Variants in CSMD1 observed in about 807,000 individuals in gnomAD.
CSMD1 encodes CUB and Sushi multiple domains 1.
A neutral mutation model predicts 417.5 loss-of-function variants in CSMD1; 213 were observed. The observed-to-expected ratio is 0.51, with a 90% CI of 0.46 to 0.57. The LOEUF (loss-of-function observed/expected upper bound fraction) is 0.57. Among genes scored for constraint, CSMD1 ranks in the 20% least tolerant of loss-of-function variants. The pLI is 0.00. For synonymous variants in CSMD1, 2,862 were observed against 1,736.8 expected (o/e 1.65, Z -16.11); for missense variants, 6,923 against 4,529.7 (o/e 1.53, Z -15.17).
chr8:3,659,745 C>T (rs1825182), intron 7 of CSMD1, among the ~76,000 whole-genome samples: 4 of 152,058 alleles, frequency 2.6e-5, no homozygotes, highest in Non-Finnish European at 5.9e-5. Context: ...TCCCCCAACA[C>T]CCCTATGAAA....
At chr8:3,369,095 T>C (rs1282026485) in intron 19 of CSMD1, among the ~76,000 whole-genome samples, 159 bp downstream of exon 19, 1 of 152,242 alleles carries the variant, frequency 6.6e-6, no homozygotes, top group East Asian at 1.9e-4. Flanking sequence ...AAGACTATTG[T>C]TCTTCCAAAA....
intron 26 of CSMD1, among the ~76,000 whole-genome samples, chr8:3,262,583 G>A (rs982750540): frequency 6.6e-6 from 1 of 151,838 alleles, no homozygotes; most frequent in Non-Finnish European, 1.5e-5. Context: ...AAGATTCCCT[G>A]TTAAAACCTC....
At chr8:3,095,472 A>G (rs1815234010) in intron 47 of CSMD1, among the ~76,000 whole-genome samples, 2 of 152,166 alleles carry the variant, frequency 1.3e-5, no homozygotes, top group South Asian at 4.1e-4. Context: ...TGCTCTGAAA[A>G]TGAAAATATT....
chr8:3,418,283 G>C (rs368902522), intron 12 of CSMD1, among the ~76,000 whole-genome samples: 1 of 152,096 alleles, frequency 6.6e-6, no homozygotes, highest in South Asian at 2.1e-4. Context: ...GAAATGAACT[G>C]TCTCAGCAGC....
At chr8:4,200,010 CTTG>C (rs1563261944) in intron 3 of CSMD1, among the ~76,000 whole-genome samples, 1 of 152,128 alleles carries the variant, frequency 6.6e-6, no homozygotes, top group Non-Finnish European at 1.5e-5. Flanking sequence ...GGGCCCTGGA[CTTG>C]TTGAAAATTA....
chr8:4,871,379 C>A (rs1802730924), intron 1 of CSMD1, among the ~76,000 whole-genome samples: 1 of 152,030 alleles, frequency 6.6e-6, no homozygotes. Flanking sequence ...CAAAGCCCAA[C>A]AGGTATTTTC....
chr8:4,639,668 T>C (rs1803076601), intron 1 of CSMD1, among the ~76,000 whole-genome samples: 1 of 152,204 alleles, frequency 6.6e-6, no homozygotes. Flanking sequence ...ACAAGTATTA[T>C]CTCAGCTCTT....
rs146446545 is a variant in CSMD1, at chr8:4,936,441, G to A, written c.85+57891C>T. On this transcript the variant is annotated intron_variant, in intron 1 of 69. Coordinates refer to ENST00000635120, the MANE Select transcript of CSMD1 (RefSeq NM_033225.6). ...TGATATAAATAGAAAAAAATAGAAG[G>A]ATTTTTGTCCAGAACATCTTATTAT... is the stretch of plus-strand genomic sequence containing the variant. Among the ~76,000 whole-genome samples, 41 of 152,254 alleles carry A rather than the reference G, an allele frequency of 2.7e-4. No homozygotes were observed. The East Asian group carries it at 7.7e-3, about 29-fold the overall frequency.
At chr8:4,794,960 G>GCCA (rs1797893970) in intron 1 of CSMD1, among the ~76,000 whole-genome samples, 1 of 151,728 alleles carries the variant, frequency 6.6e-6, no homozygotes, top group Non-Finnish European at 1.5e-5. Context: ...TTTCCATGGT[G>GCCA]GAGTAAAGCC....
intron 3 of CSMD1, among the ~76,000 whole-genome samples, chr8:4,272,132 C>T (rs1220762965): frequency 6.6e-6 from 1 of 152,108 alleles, no homozygotes; most frequent in Non-Finnish European, 1.5e-5. Flanking sequence ...TGTGGCTGGA[C>T]ACATGGAGTC....
intron 2 of CSMD1, among the ~76,000 whole-genome samples, chr8:4,464,259 T>C (rs188278930): frequency 7.2e-5 from 11 of 152,102 alleles, no homozygotes; most frequent in African/African-American, 2.4e-4. Context: ...CTTCCTGCAG[T>C]GATTGTATGA....
intron 1 of CSMD1, among the ~76,000 whole-genome samples, chr8:4,877,426 T>G (rs1467638372): frequency 6.6e-6 from 1 of 152,098 alleles, no homozygotes; most frequent in African/African-American, 2.4e-5. Context: ...ATATCAATTA[T>G]GTATTTCTGT....
chr8:4,947,160 A>T, intron 1 of CSMD1, among the ~76,000 whole-genome samples: 1 of 152,222 alleles, frequency 6.6e-6, no homozygotes, highest in South Asian at 2.1e-4. Flanking sequence ...AATTCACAAC[A>T]AAATAAAACA....
At chr8:4,388,793 T>TC (rs1563121938) in intron 3 of CSMD1, among the ~76,000 whole-genome samples, 2 of 152,220 alleles carry the variant, frequency 1.3e-5, no homozygotes, top group Admixed American at 1.3e-4. Context: ...TCCTTGATCC[T>TC]CCCAGTACCT....
chr8:3,492,099 C>A (rs1030374182), intron 11 of CSMD1, among the ~76,000 whole-genome samples: 9 of 152,150 alleles, frequency 5.9e-5, no homozygotes, highest in African/African-American at 2.2e-4. Flanking sequence ...TGAATTTCCT[C>A]CAGCAAAGGC....
chr8:3,359,027 C>A, intron 21 of CSMD1, 125 bp downstream of exon 21: 2 of 822,092 alleles, frequency 2.4e-6, no homozygotes. Context: ...CAGAGTGGAG[C>A]CCACACTTTC....
intron 41 of CSMD1, among the ~76,000 whole-genome samples, chr8:3,119,697 C>A (rs796515041): frequency 5.3e-5 from 8 of 152,340 alleles, no homozygotes; most frequent in African/African-American, 1.9e-4. Flanking sequence ...GAAGCCCTCT[C>A]TAGCATCTTT....
At chr8:3,810,081 C>A (rs899492658) in intron 5 of CSMD1, among the ~76,000 whole-genome samples, 2 of 152,158 alleles carry the variant, frequency 1.3e-5, no homozygotes, top group Admixed American at 6.5e-5. Context: ...ATGCTTGTCA[C>A]ATTTAAATGT....
At chr8:3,361,429 C>A (rs149704702) in intron 20 of CSMD1, among the ~76,000 whole-genome samples, 154 of 151,716 alleles carry the variant, frequency 1.0e-3, no homozygotes, top group African/African-American at 3.6e-3. Context: ...GAGTTTGAGA[C>A]CAGACTGACT....
Sources: gnomAD v4.1 joint callset for allele counts (sites outside exome capture counted in the v4.1 genomes callset) on GRCh38, gnomAD v4.1.1 for gene constraint, MANE v1.5 for transcripts, NCBI Gene and HGNC (gene_info 2026-07-23, HGNC 2026-07-21) for gene names.